The following VWA3B variants were observed in gnomAD, a reference collection of about 807,000 sequenced individuals.
VWA3B encodes von Willebrand factor A domain containing 3B, also known as von Willebrand factor A domain-containing protein 3B.
VWA3B carries 138 observed loss-of-function variants against 158.3 expected under a neutral mutation model. That is an observed-to-expected ratio of 0.87 (90% CI 0.76 to 1.00). VWA3B has a LOEUF of 1.00. VWA3B is among the 50% of genes least tolerant of loss of function. VWA3B has a pLI of 0.00. For missense variants in VWA3B, 1,555 were observed against 1,565.1 expected, an observed-to-expected ratio of 0.99 and a Z score of 0.11; for synonymous variants, 596 against 587.3, an observed-to-expected ratio of 1.01 and a Z score of -0.21.
intron 12 of VWA3B, among the ~76,000 whole-genome samples, chr2:98,210,801 C>T (rs916802166): frequency 2.0e-5 from 3 of 152,042 alleles, no homozygotes; most frequent in East Asian, 1.9e-4. Flanking sequence ...GGTCTGGCCT[C>T]GCTTTAGCTA....
At chr2:98,209,740 G>A (rs11124096) in intron 12 of VWA3B, among the ~76,000 whole-genome samples, 1 of 151,994 alleles carries the variant, frequency 6.6e-6, no homozygotes. Context: ...TCAGTGGGTT[G>A]CTTTTCTCAT....
intron 25 of VWA3B, among the ~76,000 whole-genome samples, chr2:98,300,624 A>G (rs1285226361): frequency 6.6e-6 from 1 of 151,004 alleles, no homozygotes; most frequent in Non-Finnish European, 1.5e-5. Context: ...CTCCTGGGCC[A>G]CCGCTAGTGC....
At chr2:98,192,368 G>A (rs1681664056) in intron 10 of VWA3B, 1 of 160,508 alleles carries the variant, frequency 6.2e-6, no homozygotes, top group Non-Finnish European at 1.4e-5. Flanking sequence ...TAGGATTTGG[G>A]TAGATAAAGG....
intron 20 of VWA3B, among the ~76,000 whole-genome samples, chr2:98,250,858 A>G (rs1275464420): frequency 6.6e-6 from 1 of 152,150 alleles, no homozygotes; most frequent in Admixed American, 6.5e-5. Context: ...TGCCTGTATC[A>G]AAATATTTCA....
intron 17 of VWA3B, among the ~76,000 whole-genome samples, chr2:98,234,990 G>A (rs527989547): frequency 7.9e-5 from 12 of 152,222 alleles, no homozygotes; most frequent in East Asian, 1.9e-4. Flanking sequence ...TAATACACAC[G>A]TGGCTCACAT....
chr2:98,276,513 G>A (rs1688530029), intron 22 of VWA3B, among the ~76,000 whole-genome samples: 1 of 152,234 alleles, frequency 6.6e-6, no homozygotes, highest in African/African-American at 2.4e-5. Context: ...TCATCATTAA[G>A]CACCCCCATG....
chr2:98,299,707 T>C (rs1278331058), intron 24 of VWA3B, among the ~76,000 whole-genome samples: 2 of 152,226 alleles, frequency 1.3e-5, no homozygotes, highest in African/African-American at 4.8e-5. Context: ...CCTTTCTACG[T>C]CTTGGTGACA....
At chr2:98,177,395 G>A (rs1680100360) in intron 8 of VWA3B, among the ~76,000 whole-genome samples, 1 of 152,092 alleles carries the variant, frequency 6.6e-6, no homozygotes, top group Non-Finnish European at 1.5e-5. Context: ...ATTCTCTGTG[G>A]GTGAGAATTC....
intron 19 of VWA3B, among the ~76,000 whole-genome samples, chr2:98,240,328 T>C (rs1383360050): frequency 1.3e-5 from 2 of 152,192 alleles, no homozygotes; most frequent in Admixed American, 6.5e-5. Flanking sequence ...ATGCCTATAG[T>C]TGCAAGGTTC....
chr2:98,250,247 T>C, intron 19 of VWA3B, 71 bp from the exon 20 acceptor site: 2 of 1,060,430 alleles, frequency 1.9e-6, no homozygotes, highest in East Asian at 2.5e-5. Context: ...TACAACTATG[T>C]AGATGTATTT....
chr2:98,146,873 A>G (rs1191012798), intron 7 of VWA3B, among the ~76,000 whole-genome samples: 1 of 152,208 alleles, frequency 6.6e-6, no homozygotes, highest in Non-Finnish European at 1.5e-5. Context: ...TCCAAGATGT[A>G]TGAAGGCGTG....
the VWA3B span, among the ~76,000 whole-genome samples, chr2:98,330,551 C>T: frequency 6.6e-6 from 1 of 152,156 alleles, no homozygotes; most frequent in Non-Finnish European, 1.5e-5. Flanking sequence ...CTGCCTCCAG[C>T]CTACTTTCTG....
rs760636415 is a variant in VWA3B at position 98,125,727 on chromosome 2, C to T, written c.703-2512C>T. Among the ~76,000 whole-genome samples, 7 of 152,090 alleles carry T rather than the reference C, an allele frequency of 4.6e-5. No homozygotes were observed. Among genetic ancestry groups the T allele is most frequent in the Non-Finnish European group, 1.0e-4 (7 of 68,020 alleles). On this transcript the variant is annotated intron_variant, in intron 5 of 27. Coordinates refer to ENST00000477737, the MANE Select transcript of VWA3B (RefSeq NM_144992.5). This position sits in a 1 kb window ranked among gnomAD's most constrained non-coding sequence, Gnocchi z 4.1. ...TCGCCCAGGCTGGAGTGCAGTGGCA[C>T]GATTCGGCTCACTGCAAGCTCCGCC...
rs771155220 is a variant in VWA3B, at chr2:98,311,983, A to C, written c.3686A>C (p.His1229Pro). ...CCCTCGGACTCGGACGGCTCCTCCC[A>C]CGGCATCAGCTCCCATGGGTCCTGC... is the stretch of plus-strand genomic sequence containing the variant. ...AAPSDSDGSS[H>P]GISSHGSCQG... Residue 1229 changes from histidine to proline, a missense_variant, in exon 27 of 28, where the codon CAC (histidine) becomes CCC (proline). His to Pro is a moderately conservative substitution (Grantham distance 77). Coordinates refer to ENST00000477737, the MANE Select transcript of VWA3B (RefSeq NM_144992.5). 1.2e-6 allele frequency: 2 copies of C among 1,604,126 alleles called. No individual in the cohort carries two copies. Among genetic ancestry groups the C allele is most frequent in the Non-Finnish European group, 1.7e-6 (2 of 1,175,422 alleles).
intron 9 of VWA3B, among the ~76,000 whole-genome samples, chr2:98,182,291 G>A (rs1680658832): frequency 6.6e-6 from 1 of 152,152 alleles, no homozygotes; most frequent in African/African-American, 2.4e-5. Context: ...CTCCAGTCCT[G>A]TTGCCACTTG....
intron 16 of VWA3B, among the ~76,000 whole-genome samples, chr2:98,231,208 A>G (rs1427274507): frequency 6.6e-6 from 1 of 152,218 alleles, no homozygotes; most frequent in Non-Finnish European, 1.5e-5. Context: ...TTCTCAGCTC[A>G]TTTATCTATA....
At chr2:98,161,937 C>A (rs1191071651) in intron 7 of VWA3B, among the ~76,000 whole-genome samples, 1 of 152,214 alleles carries the variant, frequency 6.6e-6, no homozygotes, top group Non-Finnish European at 1.5e-5. Flanking sequence ...GAACTCCTGA[C>A]CTCCATTGAT....
intron 12 of VWA3B, among the ~76,000 whole-genome samples, chr2:98,208,283 T>C (rs1053599613): frequency 2.0e-4 from 31 of 152,206 alleles, no homozygotes; most frequent in African/African-American, 7.2e-4. Flanking sequence ...GTAGACAGCA[T>C]AAATCGGGTC....
intron 13 of VWA3B, chr2:98,216,912 C>T: frequency 7.7e-7 from 1 of 1,300,948 alleles, no homozygotes; most frequent in Non-Finnish European, 1.0e-6. Context: ...CGCTCTGGAG[C>T]TGTTTCCTTC....
Sources: allele counts gnomAD v4.1 joint callset (sites outside exome capture counted in the v4.1 genomes callset), GRCh38; gene constraint gnomAD v4.1.1; non-coding constraint Gnocchi (gnomAD v3.1); transcripts MANE v1.5; gene names NCBI Gene and HGNC (gene_info 2026-07-23, HGNC 2026-07-21).